Variants in SGCZ observed in about 807,000 individuals in gnomAD.
SGCZ encodes the protein zeta-sarcoglycan.
Under a neutral mutation model 41.3 loss-of-function variants are expected in SGCZ, and 40 were observed. That is an observed-to-expected ratio of 0.97 (90% CI 0.75 to 1.26). The LOEUF (loss-of-function observed/expected upper bound fraction) is 1.26. SGCZ is among the 50% of genes most tolerant of loss of function. The probability of loss-of-function intolerance (pLI) is 0.00; values close to 1 mark genes in which losing one functional copy is unlikely to be tolerated. For missense variants in SGCZ, 552 were observed against 369.8 expected (o/e 1.49, Z -4.04); for synonymous variants, 206 against 137.5 (o/e 1.50, Z -3.49).
At chr8:14,679,054 C>A (rs1330834678) in intron 1 of SGCZ, among the ~76,000 whole-genome samples, 1 of 152,062 alleles carries the variant, frequency 6.6e-6, no homozygotes, top group Non-Finnish European at 1.5e-5. Context: ...TTCCTATCGT[C>A]TAGTGATGTC....
At chr8:14,574,482 G>A (rs904542816) in intron 1 of SGCZ, among the ~76,000 whole-genome samples, 2 of 152,162 alleles carry the variant, frequency 1.3e-5, no homozygotes, top group African/African-American at 4.8e-5. Context: ...ATCCTGCCAT[G>A]TACCAGGGAA....
intron 1 of SGCZ, among the ~76,000 whole-genome samples, chr8:14,689,308 G>A (rs1808723094): frequency 6.6e-6 from 1 of 152,020 alleles, no homozygotes; most frequent in African/African-American, 2.4e-5. Context: ...ACAGGCATTT[G>A]AAAACTTTTA....
chr8:15,050,043 T>G (rs1053930735), intron 1 of SGCZ, among the ~76,000 whole-genome samples: 1 of 152,106 alleles, frequency 6.6e-6, no homozygotes. Flanking sequence ...AGTCAATAGT[T>G]GGGACTTTGG....
intron 1 of SGCZ, among the ~76,000 whole-genome samples, chr8:15,184,256 T>A (rs1374735309): frequency 2.0e-5 from 3 of 152,208 alleles, no homozygotes; most frequent in Non-Finnish European, 4.4e-5. Context: ...TCATAATAAT[T>A]ACCTTATGCT....
chr8:14,609,315 A>G (rs1055405851), intron 1 of SGCZ, among the ~76,000 whole-genome samples: 1 of 152,180 alleles, frequency 6.6e-6, no homozygotes, highest in Non-Finnish European at 1.5e-5. Context: ...TATTACAATG[A>G]AATAAATTAG....
chr8:14,265,251 G>C (rs1419790848), intron 3 of SGCZ, among the ~76,000 whole-genome samples: 4 of 152,144 alleles, frequency 2.6e-5, no homozygotes, highest in Admixed American at 1.3e-4. Flanking sequence ...TTTACCCTGA[G>C]ATAACTTTGC....
At position 15,208,476 on chromosome 8, in the gene SGCZ, T is replaced by A. The variant is rs146930452; in HGVS notation, c.39+29109A>T. On this transcript the variant is annotated intron_variant, in intron 1 of 7. Coordinates refer to ENST00000382080, the MANE Select transcript of SGCZ (RefSeq NM_139167.4). The stretch of plus-strand genomic sequence containing the variant: ...TAAGTCAGTTGTCAGAAACTCAAAA[T>A]GTATTTTTCTTTTTTTCCCCAAACA... Among the ~76,000 whole-genome samples, 36 of 152,300 alleles carry A rather than the reference T, an allele frequency of 2.4e-4. No individual in the cohort carries two copies. The East Asian group carries it at 6.0e-3, about 25-fold the overall frequency.
chr8:14,393,310 T>C (rs768864331), intron 2 of SGCZ, among the ~76,000 whole-genome samples: 4 of 151,940 alleles, frequency 2.6e-5, no homozygotes, highest in Non-Finnish European at 5.9e-5. Flanking sequence ...GCTGCAGACA[T>C]AGACAAGCAG....
chr8:15,082,450 G>T (rs1403578668), intron 1 of SGCZ, among the ~76,000 whole-genome samples: 1 of 151,038 alleles, frequency 6.6e-6, no homozygotes, highest in African/African-American at 2.4e-5. Context: ...CTAAGTGTGT[G>T]TGTGTGTATA....
rs78663980 is a variant in SGCZ at position 14,742,633 on chromosome 8, T to A, written c.40-187707A>T. On this transcript the variant is annotated intron_variant, in intron 1 of 7. Transcript: ENST00000382080. ...TGTATACATACGTACATAACCCAGATAATCTTATTCATCCTTAGCAAAAAT... is the reference window on the plus strand; with the variant it reads ...TGTATACATACGTACATAACCCAGAAAATCTTATTCATCCTTAGCAAAAAT... Among the ~76,000 whole-genome samples, 1,445 of 152,174 alleles carry A rather than the reference T, an allele frequency of 9.5e-3. 17 individuals are homozygous for A. The highest frequency in any genetic ancestry group is 0.033 in the African/African-American group (1,383 of 41,538).
At chr8:14,702,494 T>C (rs1249897822) in intron 1 of SGCZ, among the ~76,000 whole-genome samples, 3 of 151,854 alleles carry the variant, frequency 2.0e-5, no homozygotes, top group Non-Finnish European at 4.4e-5. Flanking sequence ...ACTTCCACAC[T>C]GGTATATTCT....
At chr8:14,821,668 A>G (rs946011766) in intron 1 of SGCZ, among the ~76,000 whole-genome samples, 5 of 152,130 alleles carry the variant, frequency 3.3e-5, no homozygotes, top group African/African-American at 1.2e-4. Context: ...ACATACCCAA[A>G]TCATTAAATG....
chr8:14,348,699 T>A (rs914417253), intron 2 of SGCZ, among the ~76,000 whole-genome samples: 4 of 152,122 alleles, frequency 2.6e-5, no homozygotes, highest in African/African-American at 9.7e-5. Flanking sequence ...CTAACACACA[T>A]GAAAATTCAA....
chr8:14,411,884 T>G (rs1799370342), intron 2 of SGCZ, among the ~76,000 whole-genome samples: 1 of 152,038 alleles, frequency 6.6e-6, no homozygotes, highest in Non-Finnish European at 1.5e-5. Context: ...GGAAGGAGAA[T>G]TAACAAGTAT....
At position 14,165,975 on chromosome 8, in the gene SGCZ, A is replaced by G. The variant is rs114629036; in HGVS notation, c.425-1273T>C. Among the ~76,000 whole-genome samples the G allele has an allele frequency of 3.2e-3, 486 of 152,272 alleles. 4 individuals are homozygous for G. The highest frequency in any genetic ancestry group is 0.024 in the Middle Eastern group (7 of 294). ...AAAACTTACTCCTCCCCATCATCAT[A>G]GCTGCTGAGGAGCATTCATCAAGAG... On this transcript the variant is annotated intron_variant, in intron 4 of 7. Coordinates refer to ENST00000382080, the MANE Select transcript of SGCZ (RefSeq NM_139167.4).
intron 1 of SGCZ, among the ~76,000 whole-genome samples, chr8:15,172,162 T>TTTG (rs1554471134): frequency 1.7e-5 from 2 of 119,052 alleles, no homozygotes; most frequent in South Asian, 3.0e-4. Context: ...CTGTTTTTTT[T>TTTG]TTTTTTTTTT....
intron 2 of SGCZ, among the ~76,000 whole-genome samples, chr8:14,421,103 A>G (rs1432629088): frequency 6.6e-6 from 1 of 152,148 alleles, no homozygotes; most frequent in Non-Finnish European, 1.5e-5. Flanking sequence ...CATCAAGTGA[A>G]AATCAAAATA....
intron 1 of SGCZ, among the ~76,000 whole-genome samples, chr8:14,627,553 C>T (rs1268550656): frequency 6.6e-6 from 1 of 152,098 alleles, no homozygotes; most frequent in African/African-American, 2.4e-5. Context: ...ACATTATTTA[C>T]CATTTTCCTA....
intron 5 of SGCZ, among the ~76,000 whole-genome samples, chr8:14,142,246 A>C (rs1803394410): frequency 1.3e-5 from 2 of 152,174 alleles, no homozygotes; most frequent in African/African-American, 4.8e-5. Flanking sequence ...CAGCACACCA[A>C]CATGGCACAT....
Sources: allele counts gnomAD v4.1 joint callset (sites outside exome capture counted in the v4.1 genomes callset), GRCh38; gene constraint gnomAD v4.1.1; transcripts MANE v1.5; gene names NCBI Gene and HGNC (gene_info 2026-07-23, HGNC 2026-07-21).